ARMH3: variants seen among roughly 807,000 people sequenced by gnomAD.
The protein encoded by ARMH3 is armadillo-like helical domain-containing protein 3.
A neutral mutation model predicts 99.1 loss-of-function variants in ARMH3; 60 were observed. The ratio of observed to expected loss-of-function variants is 0.61; its 90% CI spans 0.49 to 0.75. The LOEUF is 0.75. ARMH3 is among the 30% of genes least tolerant of loss of function. The pLI, the probability that ARMH3 is intolerant of heterozygous loss-of-function variation, is 0.00. For synonymous variants in ARMH3, 285 were observed against 292.8 expected (o/e 0.97, Z 0.27); for missense variants, 679 against 843.1 (o/e 0.81, Z 2.41).
At chr10:101,948,525 A>T (rs1283381368) in intron 22 of ARMH3, among the ~76,000 whole-genome samples, 1 of 152,236 alleles carries the variant, frequency 6.6e-6, no homozygotes, top group African/African-American at 2.4e-5. Flanking sequence ...GATATTATAT[A>T]ATGATAAAAG....
chr10:101,915,342 T>C (rs932588317), intron 23 of ARMH3, among the ~76,000 whole-genome samples: 6 of 152,214 alleles, frequency 3.9e-5, no homozygotes, highest in Non-Finnish European at 8.8e-5. Flanking sequence ...TTGCTAAATG[T>C]AACCTACCTG....
chr10:102,044,002 C>T (rs369356770), intron 1 of ARMH3, among the ~76,000 whole-genome samples: 4 of 152,150 alleles, frequency 2.6e-5, no homozygotes, highest in South Asian at 2.1e-4. Context: ...CTGCAACCTC[C>T]GCCTCCTGGG....
At chr10:101,984,880 C>G (rs1000334266) in intron 19 of ARMH3, among the ~76,000 whole-genome samples, 1 of 151,772 alleles carries the variant, frequency 6.6e-6, no homozygotes, top group African/African-American at 2.4e-5. Context: ...ACCAGCCTGG[C>G]CAAGATGGTG....
chr10:102,033,131 A>G lies in ARMH3; in HGVS notation c.201T>C (p.Asp67=). 6.2e-7 allele frequency: 1 copy of G among 1,614,206 alleles called. No individual in the cohort carries two copies. Among genetic ancestry groups the G allele is most frequent in the African/African-American group, 1.3e-5 (1 of 75,052 alleles). ...EYLEGKLESL[D]GEELMKIKDN... is the part of the protein sequence containing the mutation. ...CCTTGATCTTCATTAACTCCTCACC[A>G]TCAAGAGATTCCAGCTTGCCTTCTA... Residue 67 remains aspartate (D), a synonymous_variant, in exon 4 of 26, where the codon GAT becomes GAC. Transcript: ENST00000370033.
At chr10:101,857,227 G>A (rs1232942380) in intron 24 of ARMH3, among the ~76,000 whole-genome samples, 3 of 152,262 alleles carry the variant, frequency 2.0e-5, no homozygotes, top group South Asian at 2.1e-4. Flanking sequence ...GAAGGCCGAG[G>A]TGGGCGGATC....
chr10:101,871,629 C>G (rs2067134585), intron 24 of ARMH3, among the ~76,000 whole-genome samples: 1 of 151,978 alleles, frequency 6.6e-6, no homozygotes. Context: ...GAACATTTAC[C>G]ACACACCATA....
intron 1 of ARMH3, among the ~76,000 whole-genome samples, chr10:102,050,352 G>A (rs2067669419): frequency 6.6e-6 from 1 of 151,982 alleles, no homozygotes; most frequent in East Asian, 1.9e-4. Context: ...GGGAGGCTGA[G>A]GCAAGAGAAT....
intron 24 of ARMH3, among the ~76,000 whole-genome samples, chr10:101,868,446 G>C (rs2067057201): frequency 6.6e-6 from 1 of 152,174 alleles, no homozygotes; most frequent in Non-Finnish European, 1.5e-5. Context: ...ATGTTAGACA[G>C]AAATTATGAT....
intron 24 of ARMH3, among the ~76,000 whole-genome samples, chr10:101,877,212 A>C (rs1589951403): frequency 6.6e-6 from 1 of 152,070 alleles, no homozygotes. Flanking sequence ...CTGAGGCAGG[A>C]GGACTGCTTG....
chr10:101,940,872 C>T (rs1210856127), intron 22 of ARMH3, among the ~76,000 whole-genome samples: 5 of 152,164 alleles, frequency 3.3e-5, no homozygotes, highest in Non-Finnish European at 4.4e-5. Flanking sequence ...CAGAGCCACA[C>T]ATGCCATTTT....
chr10:102,036,494 A>G (rs1313577504), intron 2 of ARMH3, among the ~76,000 whole-genome samples: 1 of 152,220 alleles, frequency 6.6e-6, no homozygotes, highest in Non-Finnish European at 1.5e-5. Flanking sequence ...TGTAGAAAGT[A>G]GAAGACATGG....
intron 23 of ARMH3, among the ~76,000 whole-genome samples, chr10:101,890,189 T>C (rs2067653043): frequency 6.6e-6 from 1 of 151,598 alleles, no homozygotes; most frequent in African/African-American, 2.4e-5. Flanking sequence ...TCCATATGAA[T>C]ATAAATGATT....
chr10:102,039,685 T>C (rs2067361744), intron 2 of ARMH3, among the ~76,000 whole-genome samples: 1 of 152,192 alleles, frequency 6.6e-6, no homozygotes, highest in Non-Finnish European at 1.5e-5. Context: ...TAGGATAAGA[T>C]AGCCCTAAGT....
chr10:101,994,551 T>A (rs771862249), intron 16 of ARMH3, among the ~76,000 whole-genome samples: 3 of 152,210 alleles, frequency 2.0e-5, no homozygotes, highest in Non-Finnish European at 4.4e-5. Flanking sequence ...GTCACCAAGA[T>A]ACATGGTGAG....
intron 5 of ARMH3, among the ~76,000 whole-genome samples, chr10:102,027,469 G>A (rs113525660): frequency 2.3e-3 from 350 of 152,108 alleles, no homozygotes; most frequent in African/African-American, 8.0e-3. Flanking sequence ...TGGGGCCTGT[G>A]AAGACAGCTG....
intron 22 of ARMH3, among the ~76,000 whole-genome samples, chr10:101,947,805 A>G (rs1844611926): frequency 7.5e-6 from 1 of 133,224 alleles, no homozygotes; most frequent in Non-Finnish European, 1.7e-5. Flanking sequence ...AAAAATAAAT[A>G]AATAAATAAA....
intron 19 of ARMH3, among the ~76,000 whole-genome samples, chr10:101,989,451 T>C (rs1846665644): frequency 6.6e-6 from 1 of 152,174 alleles, no homozygotes; most frequent in South Asian, 2.1e-4. Context: ...CCAGGTGTGG[T>C]GGCTCATGCC....
chr10:101,883,183 G>A (rs937567263), intron 24 of ARMH3, among the ~76,000 whole-genome samples: 6 of 152,308 alleles, frequency 3.9e-5, no homozygotes, highest in Admixed American at 3.9e-4. Context: ...GGGAGGACAA[G>A]ATGGGAGGAT....
At chr10:102,045,381 T>C (rs1238147374) in intron 1 of ARMH3, among the ~76,000 whole-genome samples, 15 of 152,020 alleles carry the variant, frequency 9.9e-5, no homozygotes, top group South Asian at 6.2e-4. Flanking sequence ...TGAAGACAAA[T>C]TGCAAAGGGG....
Sources: gnomAD v4.1 joint callset for allele counts (sites outside exome capture counted in the v4.1 genomes callset) on GRCh38, gnomAD v4.1.1 for gene constraint, MANE v1.5 for transcripts, NCBI Gene and HGNC (gene_info 2026-07-23, HGNC 2026-07-21) for gene names.